Variants in CAMTA1 observed in about 807,000 individuals in gnomAD.
CAMTA1 encodes calmodulin binding transcription activator 1.
In CAMTA1, 27 loss-of-function variants were observed where a neutral mutation model predicts 170.9. That is an observed-to-expected ratio of 0.16 (90% CI 0.12 to 0.22). The LOEUF (loss-of-function observed/expected upper bound fraction) is 0.22. CAMTA1 is among the 10% of genes least tolerant of loss of function. The pLI, the probability that CAMTA1 is intolerant of heterozygous loss-of-function variation, is 1.00. For synonymous variants in CAMTA1, 833 were observed against 891.5 expected (o/e 0.93, Z 1.17); for missense variants, 1,619 against 2,217.2 (o/e 0.73, Z 5.42).
chr1:7,260,509 C>G (rs1408865887), intron 5 of CAMTA1, among the ~76,000 whole-genome samples: 1 of 152,218 alleles, frequency 6.6e-6, no homozygotes, highest in African/African-American at 2.4e-5. Flanking sequence ...GCTCAGGGCA[C>G]TGCTTCATGG....
chr1:7,500,066 TGA>T (rs1462882524), intron 6 of CAMTA1, among the ~76,000 whole-genome samples: 1 of 137,136 alleles, frequency 7.3e-6, no homozygotes, highest in Admixed American at 7.2e-5. Flanking sequence ...TGTACGTATA[TGA>T]GTGTGTGTGT....
chr1:6,992,930 T>C (rs1448223727), intron 3 of CAMTA1, among the ~76,000 whole-genome samples: 1 of 152,238 alleles, frequency 6.6e-6, no homozygotes, highest in Non-Finnish European at 1.5e-5. Context: ...GGAGACAACA[T>C]TGTTATTTTC....
intron 3 of CAMTA1, among the ~76,000 whole-genome samples, chr1:6,880,231 G>A (rs189543480): frequency 8.6e-5 from 13 of 151,824 alleles, no homozygotes. Context: ...ATACCACCAC[G>A]CCCAGCTAAC....
At chr1:7,095,538 C>G (rs1210126808) in intron 4 of CAMTA1, among the ~76,000 whole-genome samples, 3 of 152,198 alleles carry the variant, frequency 2.0e-5, no homozygotes, top group Admixed American at 6.5e-5. Context: ...GGAACTTGAA[C>G]CCAGTATGAT....
At chr1:6,993,494 G>A (rs1172176165) in intron 3 of CAMTA1, among the ~76,000 whole-genome samples, 1 of 151,860 alleles carries the variant, frequency 6.6e-6, no homozygotes, top group African/African-American at 2.4e-5. Flanking sequence ...TGAGATAATA[G>A]GTCTATTTCT....
chr1:7,492,614 A>C (rs907077884), intron 6 of CAMTA1, among the ~76,000 whole-genome samples: 12 of 81,752 alleles, frequency 1.5e-4, no homozygotes, highest in African/African-American at 9.4e-4. Flanking sequence ...CACACACACA[A>C]ATGTACATAC....
At chr1:7,513,958 CACACATACACACACAA>C (rs1270761229) in intron 6 of CAMTA1, among the ~76,000 whole-genome samples, 4 of 118,158 alleles carry the variant, frequency 3.4e-5, no homozygotes, top group Middle Eastern at 8.4e-3. Context: ...TACACACACA[CACACATACACACACAA>C]ACACCAGTTA....
intron 21 of CAMTA1, among the ~76,000 whole-genome samples, chr1:7,754,338 A>G (rs2096917268): frequency 6.6e-6 from 1 of 152,228 alleles, no homozygotes; most frequent in Non-Finnish European, 1.5e-5. Flanking sequence ...GTCGTGCTAG[A>G]CTTTTTCCTC....
At chr1:6,785,790 C>T (rs969013741) in intron 1 of CAMTA1, among the ~76,000 whole-genome samples, 2 of 138,138 alleles carry the variant, frequency 1.4e-5, no homozygotes, top group African/African-American at 5.3e-5. Context: ...AGCGCGGCGC[C>T]CCACACCCCA....
At chr1:7,219,248 T>G (rs979491463) in intron 4 of CAMTA1, 1 of 152,080 alleles carries the variant, frequency 6.6e-6, no homozygotes, top group Non-Finnish European at 1.5e-5. Context: ...AGCCTTTTAC[T>G]ATTGTGGCAT....
intron 6 of CAMTA1, among the ~76,000 whole-genome samples, chr1:7,560,856 G>A (rs1339423791): frequency 6.6e-6 from 1 of 151,758 alleles, no homozygotes; most frequent in Non-Finnish European, 1.5e-5. Context: ...GCTGGGGCCT[G>A]GAAGGGCAGG....
At chr1:7,043,764 T>TG (rs1177995150) in intron 3 of CAMTA1, among the ~76,000 whole-genome samples, 1 of 152,220 alleles carries the variant, frequency 6.6e-6, no homozygotes, top group Admixed American at 6.5e-5. Context: ...ATTAGGGCCT[T>TG]GGGGGTGCAG....
At chr1:6,850,527 A>C (rs1341497905) in intron 3 of CAMTA1, among the ~76,000 whole-genome samples, 1 of 152,216 alleles carries the variant, frequency 6.6e-6, no homozygotes, top group Non-Finnish European at 1.5e-5. Flanking sequence ...TTGATGATAG[A>C]CTAAGTTGTT....
intron 4 of CAMTA1, among the ~76,000 whole-genome samples, chr1:7,105,356 C>T (rs916935015): frequency 2.0e-5 from 3 of 152,184 alleles, no homozygotes; most frequent in East Asian, 1.9e-4. Flanking sequence ...CCAGAAAGTT[C>T]GGGCTTATCA....
intron 6 of CAMTA1, among the ~76,000 whole-genome samples, chr1:7,567,149 G>A (rs2095053345): frequency 6.6e-6 from 1 of 152,232 alleles, no homozygotes; most frequent in Admixed American, 6.5e-5. Context: ...ATGTGGTTCT[G>A]GAAGGCACTC....
At chr1:7,252,771 C>T (rs947927194) in intron 5 of CAMTA1, among the ~76,000 whole-genome samples, 2 of 152,178 alleles carry the variant, frequency 1.3e-5, no homozygotes, top group African/African-American at 4.8e-5. Flanking sequence ...GGGCTGTTTT[C>T]CTCAGTTCAG....
chr1:7,161,975 T>A (rs1260306173), intron 4 of CAMTA1, among the ~76,000 whole-genome samples: 1 of 152,120 alleles, frequency 6.6e-6, no homozygotes, highest in Non-Finnish European at 1.5e-5. Flanking sequence ...CAACGTCAGA[T>A]CCTCTCGCCT....
At chr1:7,270,292 T>TA (rs1491275364) in intron 5 of CAMTA1, among the ~76,000 whole-genome samples, 16,333 of 69,716 alleles carry the variant, frequency 0.23, 1,288 homozygotes, top group East Asian at 0.37. Context: ...TATATATATA[T>TA]TTTTTTTTTT....
intron 5 of CAMTA1, among the ~76,000 whole-genome samples, chr1:7,371,836 C>T (rs568535906): frequency 2.0e-5 from 3 of 152,348 alleles, no homozygotes; most frequent in South Asian, 4.1e-4. Flanking sequence ...TTTGTCCCCC[C>T]ACTCCAGGGA....
Sources: gnomAD v4.1 joint callset for allele counts (sites outside exome capture counted in the v4.1 genomes callset) on GRCh38, gnomAD v4.1.1 for gene constraint, MANE v1.5 for transcripts, NCBI Gene and HGNC (gene_info 2026-07-23, HGNC 2026-07-21) for gene names.